Variants in SLC9A3 observed in about 807,000 individuals in gnomAD.
SLC9A3 encodes solute carrier family 9 member A3.
In SLC9A3, 37 loss-of-function variants were observed where a neutral mutation model predicts 86.8. The observed-to-expected ratio is 0.43, with a 90% CI of 0.33 to 0.56. SLC9A3 has a LOEUF of 0.56. SLC9A3 is among the 20% of genes least tolerant of loss of function. SLC9A3 has a pLI of 0.06. For synonymous variants in SLC9A3, 581 were observed against 528.3 expected (o/e 1.10, Z -1.37); for missense variants, 1,011 against 1,171.9 (o/e 0.86, Z 2.00).
rs546981453 is a variant in SLC9A3 at position 505,220 on chromosome 5, G to A, written c.212-13149C>T. Among the ~76,000 whole-genome samples, 61 of 11,144 alleles carry A rather than the reference G, an allele frequency of 5.5e-3. 2 individuals are homozygous for A. The highest frequency in any genetic ancestry group is 8.3e-3 in the Non-Finnish European group (38 of 4,578). The allele number at this position is 11,144 out of a possible 152,430, so 7.3% of individuals were successfully genotyped here. ...TGTGTGCTGGGGGGTGACCATCGAG[G>A]GGGGTGGGGGAGAGTGACCATGGGG... On this transcript the variant is annotated intron_variant, in intron 1 of 16. Coordinates refer to ENST00000264938, the MANE Select transcript of SLC9A3 (RefSeq NM_004174.4).
Position 482,579 on chromosome 5 carries a change from ATGG to A in SLC9A3, c.1322_1324del (p.Thr441del), listed in dbSNP as rs757606946. The A allele has an allele frequency of 1.2e-6, 2 of 1,612,840 alleles. No homozygotes were observed. The highest frequency in any genetic ancestry group is 1.7e-6 in the Non-Finnish European group (2 of 1,179,832). ...GATGACGGTGAAGAACACTACGATG[ATGG>A]TGGTGCTGACGAACAGGTTCTTCTC... On this transcript the variant is annotated inframe_deletion, in exon 7 of 17. Coordinates refer to ENST00000264938, the MANE Select transcript of SLC9A3 (RefSeq NM_004174.4).
At chr5:476,124 C>A in intron 13 of SLC9A3, 32 bp from the exon 14 acceptor site, 1 of 1,612,084 alleles carries the variant, frequency 6.2e-7, no homozygotes, top group Non-Finnish European at 8.5e-7. Flanking sequence ...GCTCACACCC[C>A]GACACAGCCA....
chr5:522,589 G>A (rs1388123616), intron 1 of SLC9A3, among the ~76,000 whole-genome samples: 4 of 152,004 alleles, frequency 2.6e-5, no homozygotes, highest in Non-Finnish European at 5.9e-5. Flanking sequence ...GAGAAACCCT[G>A]TCTGTACTAA....
chr5:470,581 G>A lies in SLC9A3; in HGVS notation c.*2798C>T, dbSNP rs1286138237. Reference sequence around the variant, plus strand: ...TTTCGGTGATGGGCCCTCCCTGTCTGGACACTGCCAACCCACAGCTGGAGG... The same window carrying A: ...TTTCGGTGATGGGCCCTCCCTGTCTAGACACTGCCAACCCACAGCTGGAGG... On this transcript the variant is annotated 3_prime_UTR_variant, in exon 17 of 17. Coordinates refer to ENST00000264938, the MANE Select transcript of SLC9A3 (RefSeq NM_004174.4). 6.6e-6 allele frequency: 1 copy of A among 152,294 alleles called. No homozygotes were observed. The highest frequency in any genetic ancestry group is 1.5e-5 in the Non-Finnish European group (1 of 68,042). The allele number at this position is 152,294 out of a possible 1,614,324, so 9.4% of individuals were successfully genotyped here.
intron 1 of SLC9A3, among the ~76,000 whole-genome samples, chr5:508,635 C>T (rs1358674115): frequency 6.7e-6 from 1 of 148,708 alleles, no homozygotes; most frequent in Non-Finnish European, 1.5e-5. Flanking sequence ...ATGGAGATGC[C>T]GCGGGGAGAC....
intron 14 of SLC9A3, 147 bp downstream of exon 14, chr5:475,872 TG>T: frequency 1.3e-6 from 1 of 758,368 alleles, no homozygotes; most frequent in Non-Finnish European, 2.1e-6. Context: ...GGTCTGCAGC[TG>T]GGGCCCTGAC....
intron 8 of SLC9A3, 95 bp from the exon 9 acceptor site, chr5:481,730 A>T: frequency 1.1e-6 from 1 of 907,442 alleles, no homozygotes; most frequent in Non-Finnish European, 1.7e-6. Flanking sequence ...GGAACCCACC[A>T]GCCCCCCTCA....
chr5:512,583 T>TG (rs1237313107), intron 1 of SLC9A3, among the ~76,000 whole-genome samples: 1 of 150,548 alleles, frequency 6.6e-6, no homozygotes, highest in Non-Finnish European at 1.5e-5. Flanking sequence ...ATAGGGGGAG[T>TG]GGGGGGTGGA....
Position 491,844 on chromosome 5 carries a change from C to T in SLC9A3, c.439G>A (p.Ala147Thr). The change falls in exon 2 of 17, where the codon GCC (alanine) becomes ACC (threonine). Residue 147 changes from alanine (A) to threonine (T), a missense_variant. Coordinates refer to ENST00000264938, the MANE Select transcript of SLC9A3 (RefSeq NM_004174.4). This position sits in a 1 kb window ranked among gnomAD's most constrained non-coding sequence, Gnocchi z 9.2. ...FGNLGTILLYAVVGTVWNAAT... is the reference protein window; with the variant it reads ...FGNLGTILLYTVVGTVWNAAT... Reference sequence around the variant, plus strand: ...GCGTTCCACACGGTACCCACGACGGCGTACAACAGGATGGTCCCCAGGTTG... The same window carrying T: ...GCGTTCCACACGGTACCCACGACGGTGTACAACAGGATGGTCCCCAGGTTG... 5.0e-6 allele frequency: 8 copies of T among 1,603,524 alleles called. No homozygotes were observed. Among genetic ancestry groups the T allele is most frequent in the Non-Finnish European group, 6.0e-6 (7 of 1,175,698 alleles).
At chr5:512,715 G>C (rs940551522) in intron 1 of SLC9A3, among the ~76,000 whole-genome samples, 5 of 152,124 alleles carry the variant, frequency 3.3e-5, no homozygotes, top group African/African-American at 1.2e-4. Flanking sequence ...GAAGCTGTTG[G>C]GGGGGCACTC....
rs1228802510 is a variant in SLC9A3, at chr5:492,059, G to T, written c.224C>A (p.Ser75Tyr). ...GGGAACCACGCTGGTGACCTTGTGG[G>T]ACAGGTGGAACCCTGTGGGGGAAGG... ...ASLAKIGFHL[S>Y]HKVTSVVPES... The change falls in exon 2 of 17, where the codon TCC becomes TAC. Residue 75 changes from serine to tyrosine, a missense_variant. Physicochemically the swap from Ser to Tyr is moderately radical, Grantham distance 144. Transcript: ENST00000264938. The T allele has an allele frequency of 6.6e-7, 1 of 1,522,950 alleles. No homozygotes were observed. 94.3% of individuals were successfully genotyped at this position (1,522,950 alleles called of 1,614,324 possible).
chr5:475,372 C>G, intron 15 of SLC9A3, 189 bp downstream of exon 15: 1 of 617,134 alleles, frequency 1.6e-6, no homozygotes, highest in Admixed American at 2.9e-5. Context: ...GCCCGGCCCA[C>G]GTCTCCCCGG....
chr5:473,436 G>A, intron 16 of SLC9A3, 54 bp from the exon 17 acceptor site: 2 of 1,335,356 alleles, frequency 1.5e-6, no homozygotes, highest in Non-Finnish European at 9.6e-7. Context: ...TGGGGCGGGA[G>A]GGGCGTCCCC....
chr5:492,015 C>G lies in SLC9A3; in HGVS notation c.268G>C (p.Val90Leu). 1.9e-6 allele frequency: 3 copies of G among 1,586,070 alleles called. No individual in the cohort carries two copies. Among genetic ancestry groups the G allele is most frequent in the Non-Finnish European group, 2.6e-6 (3 of 1,165,442 alleles). The part of the protein sequence containing the change: ...SVVPESALLI[V>L]LGLVLGGIVW... ...ATGCCGCCCAGCACCAGGCCCAGCA[C>G]GATGAGCAGGGCGCTCTCGGGAACC... The change falls in exon 2 of 17, where the codon GTG becomes CTG. Residue 90 changes from valine to leucine, a missense_variant. Val to Leu is a conservative substitution (Grantham distance 32). Coordinates refer to ENST00000264938, the MANE Select transcript of SLC9A3 (RefSeq NM_004174.4).
Position 524,165 on chromosome 5 carries a change from T to A in SLC9A3, c.158A>T (p.Gln53Leu). The stretch of plus-strand genomic sequence containing the variant: ...CCAGAGCGCGATGACGTAGGGATCC[T>A]GCACGTGGGCCCACTCGAAGGTGAC... Reference protein sequence around the residue: ...QVVTFEWAHVQDPYVIALWIL... With the variant: ...QVVTFEWAHVLDPYVIALWIL... Residue 53 changes from glutamine to leucine, a missense_variant, in exon 1 of 17, where the codon CAG becomes CTG. Gln to Leu is a moderately radical substitution (Grantham distance 113). Around this residue, in one of 3 missense-constraint regions of SLC9A3, gnomAD observed 565 missense variants for 790.0 expected, o/e 0.72. Transcript: ENST00000264938. The A allele has an allele frequency of 1.3e-6, 2 of 1,547,720 alleles. No homozygotes were observed. The highest frequency in any genetic ancestry group is 1.7e-6 in the Non-Finnish European group (2 of 1,150,070).
intron 3 of SLC9A3, 85 bp from the exon 4 acceptor site, chr5:485,316 C>G: frequency 9.0e-7 from 1 of 1,111,832 alleles, no homozygotes; most frequent in Non-Finnish European, 1.4e-6. Flanking sequence ...GGACTTGGCC[C>G]GAGTGTGGAG....
Position 482,294 on chromosome 5 carries a change from C to T in SLC9A3, c.1357-137G>A, listed in dbSNP as rs946255794. Reference sequence around the variant, plus strand: ...TGCTCTCCGGGCACCCAGCAACCCGCGCCCCTGCTTTGCAGAGGAGGAAGC... The same window carrying T: ...TGCTCTCCGGGCACCCAGCAACCCGTGCCCCTGCTTTGCAGAGGAGGAAGC... On this transcript the variant is annotated intron_variant, in intron 7 of 16. Coordinates refer to ENST00000264938, the MANE Select transcript of SLC9A3 (RefSeq NM_004174.4). 66 of 717,832 alleles carry T rather than the reference C, an allele frequency of 9.2e-5. 1 individual carries two copies. Among genetic ancestry groups the T allele is most frequent in the African/African-American group, 7.5e-4 (42 of 55,992 alleles). The allele number at this position is 717,832 out of a possible 1,614,324, so 44.5% of individuals were successfully genotyped here. A position where few individuals can be genotyped will look rare whatever the true frequency, so the allele number is the denominator to read the frequency against.
chr5:484,507 G>A lies in SLC9A3; in HGVS notation c.932+13C>T, dbSNP rs1739371827. The A allele has an allele frequency of 1.2e-6, 2 of 1,611,386 alleles. No homozygotes were observed. The highest frequency in any genetic ancestry group is 1.7e-6 in the Non-Finnish European group (2 of 1,178,502). On this transcript the variant is annotated intron_variant, in intron 5 of 16. Transcript: ENST00000264938. ...AGGGCGTGGAGAAGCTCGCGTGTGT[G>A]GGAGGGACTCACGCGAGGATGGCCG...
At position 496,848 on chromosome 5, in the gene SLC9A3, C is replaced by T. The variant is rs1344854684; in HGVS notation, c.212-4777G>A. Reference sequence around the variant, plus strand: ...GGTGGATCCCTTGAGCCCAGGAGTTCGAGACCAGCCTGGGCAACATGGCGA... The same window carrying T: ...GGTGGATCCCTTGAGCCCAGGAGTTTGAGACCAGCCTGGGCAACATGGCGA... On this transcript the variant is annotated intron_variant, in intron 1 of 16. Transcript: ENST00000264938. This position sits in a 1 kb window ranked among gnomAD's most constrained non-coding sequence, Gnocchi z 4.7. Among the ~76,000 whole-genome samples the T allele has an allele frequency of 6.6e-6, 1 of 151,960 alleles. No individual in the cohort carries two copies. The highest frequency in any genetic ancestry group is 1.5e-5 in the Non-Finnish European group (1 of 67,996).
Sources: gnomAD v4.1 joint callset for allele counts (sites outside exome capture counted in the v4.1 genomes callset) on GRCh38, gnomAD v4.1.1 for gene constraint, gnomAD v4.1.1 regional missense constraint, Gnocchi (gnomAD v3.1) non-coding constraint, MANE v1.5 for transcripts, NCBI Gene and HGNC (gene_info 2026-07-23, HGNC 2026-07-21) for gene names.